The following SH3GL3 variants were observed in gnomAD, a reference collection of about 807,000 sequenced individuals.
SH3GL3 encodes endophilin-A3.
A neutral mutation model predicts 47.7 loss-of-function variants in SH3GL3; 33 were observed. The observed-to-expected ratio is 0.69, with a 90% CI of 0.52 to 0.92. The LOEUF (loss-of-function observed/expected upper bound fraction) is 0.92, where lower values mean the gene tolerates loss of function less well. SH3GL3 is among the 40% of genes least tolerant of loss of function. SH3GL3 has a pLI of 0.00. For missense variants in SH3GL3, 363 were observed against 417.8 expected (o/e 0.87, Z 1.14); for synonymous variants, 155 against 148.8 (o/e 1.04, Z -0.30).
intron 6 of SH3GL3, among the ~76,000 whole-genome samples, chr15:83,581,602 T>G (rs937510074): frequency 2.6e-5 from 4 of 152,178 alleles, no homozygotes; most frequent in African/African-American, 7.2e-5. Context: ...TGCCTTTCCT[T>G]GCAGTGTCTA....
chr15:83,571,479 G>A (rs2045813771), intron 4 of SH3GL3, among the ~76,000 whole-genome samples: 1 of 152,142 alleles, frequency 6.6e-6, no homozygotes, highest in Non-Finnish European at 1.5e-5. Context: ...TTCCAAGGAG[G>A]AATGAAGCTA....
chr15:83,447,595 G>A lies in SH3GL3; in HGVS notation c.45+17G>A. 6.7e-7 allele frequency: 1 copy of A among 1,488,378 alleles called. No individual in the cohort carries two copies. Among genetic ancestry groups the A allele is most frequent in the Non-Finnish European group, 9.0e-7 (1 of 1,112,566 alleles). The allele number at this position is 1,488,378 out of a possible 1,614,324, so 92.2% of individuals were successfully genotyped here. A position where few individuals can be genotyped will look rare whatever the true frequency, so the allele number is the denominator to read the frequency against. On this transcript the variant is annotated intron_variant, in intron 1 of 8. Transcript: ENST00000427482. The surrounding 1 kb of genome is among the most constrained non-coding windows in gnomAD (Gnocchi z 5.1). The stretch of plus-strand genomic sequence containing the variant: ...GCCAGCCAGGTAGGGAGGCGCAGAG[G>A]AGGGAAGGAGGGAGGGGGACGCGGA...
intron 1 of SH3GL3, among the ~76,000 whole-genome samples, chr15:83,536,769 TC>T (rs1483525269): frequency 3.3e-5 from 5 of 152,182 alleles, no homozygotes; most frequent in African/African-American, 1.2e-4. Context: ...TTTCCTCCTT[TC>T]ATTTTTCATG....
chr15:83,593,975 A>G (rs576355262), intron 8 of SH3GL3, among the ~76,000 whole-genome samples: 1 of 152,118 alleles, frequency 6.6e-6, no homozygotes, highest in South Asian at 2.1e-4. Context: ...CACACCACCA[A>G]GCCTGGCTAA....
intron 1 of SH3GL3, among the ~76,000 whole-genome samples, chr15:83,492,705 C>A (rs1034999261): frequency 6.6e-6 from 1 of 152,184 alleles, no homozygotes; most frequent in African/African-American, 2.4e-5. Context: ...TGGACAAATA[C>A]CCCAGCTTCC....
the SH3GL3 span, among the ~76,000 whole-genome samples, chr15:83,627,583 T>A: frequency 6.6e-6 from 1 of 152,184 alleles, no homozygotes; most frequent in Non-Finnish European, 1.5e-5. Flanking sequence ...TCCCTGTTCA[T>A]TAGAATCTAG....
intron 3 of SH3GL3, chr15:83,565,919 A>T (rs1436821548): frequency 1.3e-5 from 2 of 152,222 alleles, no homozygotes; most frequent in African/African-American, 4.8e-5. Context: ...AAATTTAAGA[A>T]TATAAATTTT....
At chr15:83,594,134 A>C (rs1351928957) in intron 8 of SH3GL3, among the ~76,000 whole-genome samples, 1 of 152,210 alleles carries the variant, frequency 6.6e-6, no homozygotes, top group East Asian at 1.9e-4. Flanking sequence ...AGATTTTAAA[A>C]ATCAGATTGA....
intron 6 of SH3GL3, among the ~76,000 whole-genome samples, chr15:83,579,091 A>C (rs2151787795): frequency 1.3e-5 from 2 of 152,346 alleles, no homozygotes; most frequent in Admixed American, 1.3e-4. Flanking sequence ...AGTATCAGTC[A>C]AAAGTCAAAA....
At chr15:83,562,354 A>T (rs968383868) in intron 2 of SH3GL3, among the ~76,000 whole-genome samples, 1 of 152,160 alleles carries the variant, frequency 6.6e-6, no homozygotes, top group African/African-American at 2.4e-5. Context: ...TATAAAAAAG[A>T]TCTGAAGTAG....
At chr15:83,628,683 C>T in the SH3GL3 span, among the ~76,000 whole-genome samples, 1 of 152,134 alleles carries the variant, frequency 6.6e-6, no homozygotes, top group Non-Finnish European at 1.5e-5. Context: ...GTGGAGATTA[C>T]AGTGAGCTGA....
intron 3 of SH3GL3, among the ~76,000 whole-genome samples, chr15:83,567,751 T>C (rs1272630607): frequency 6.6e-6 from 1 of 152,170 alleles, no homozygotes; most frequent in Admixed American, 6.5e-5. Flanking sequence ...TAATGACCAG[T>C]TGGTTGTTTG....
chr15:83,581,113 G>A (rs2059818045), intron 6 of SH3GL3, among the ~76,000 whole-genome samples: 2 of 152,156 alleles, frequency 1.3e-5, no homozygotes, highest in Admixed American at 1.3e-4. Context: ...TGGCTAAGAC[G>A]CAATAAAAGC....
At chr15:83,577,041 G>C in intron 6 of SH3GL3, among the ~76,000 whole-genome samples, 1 of 148,582 alleles carries the variant, frequency 6.7e-6, no homozygotes, top group Non-Finnish European at 1.5e-5. Flanking sequence ...CTTCTGAGTA[G>C]CTAGGATTAC....
At position 83,448,315 on chromosome 15, in the gene SH3GL3, C is replaced by T. The variant is rs984920092; in HGVS notation, c.45+737C>T. On this transcript the variant is annotated intron_variant, in intron 1 of 8. Coordinates refer to ENST00000427482, the MANE Select transcript of SH3GL3 (RefSeq NM_003027.5). The surrounding 1 kb of genome is among the most constrained non-coding windows in gnomAD (Gnocchi z 4.2). ...AGTGGGGGCGTCAGGGAGAGCTTCCCGGAGGAGGAGACATGTCATTTGAGA... is the reference window on the plus strand; with the variant it reads ...AGTGGGGGCGTCAGGGAGAGCTTCCTGGAGGAGGAGACATGTCATTTGAGA... 6.6e-6 allele frequency among the ~76,000 whole-genome samples: 1 copy of T among 151,976 alleles called. No homozygotes were observed. The highest frequency in any genetic ancestry group is 1.5e-5 in the Non-Finnish European group (1 of 68,008).
At chr15:83,624,569 G>GACT in the SH3GL3 span, among the ~76,000 whole-genome samples, 8 of 152,334 alleles carry the variant, frequency 5.3e-5, no homozygotes, top group Middle Eastern at 3.4e-3. Context: ...AGAGTCAGGG[G>GACT]ACTGATTGAG....
chr15:83,512,435 G>GTTT (rs2042799312), intron 1 of SH3GL3, among the ~76,000 whole-genome samples: 1 of 152,154 alleles, frequency 6.6e-6, no homozygotes, highest in East Asian at 1.9e-4. Context: ...AGTCTCTTAA[G>GTTT]TGCCTGTGGT....
chr15:83,508,098 C>T (rs1011402686), intron 1 of SH3GL3, among the ~76,000 whole-genome samples: 32 of 152,002 alleles, frequency 2.1e-4, no homozygotes, highest in South Asian at 2.1e-4. Flanking sequence ...CGCACCACCA[C>T]GCCCAGCTAA....
intron 8 of SH3GL3, among the ~76,000 whole-genome samples, chr15:83,611,851 G>A (rs2060676257): frequency 6.6e-6 from 1 of 152,094 alleles, no homozygotes. Flanking sequence ...TGGACTTTGG[G>A]GCTCCATCCA....
Sources: allele counts gnomAD v4.1 joint callset (sites outside exome capture counted in the v4.1 genomes callset), GRCh38; gene constraint gnomAD v4.1.1; non-coding constraint Gnocchi (gnomAD v3.1); transcripts MANE v1.5; gene names NCBI Gene and HGNC (gene_info 2026-07-23, HGNC 2026-07-21).